Variants in PRR16 observed in about 807,000 individuals in gnomAD.
PRR16 encodes the protein protein Largen.
PRR16 carries 6 observed loss-of-function variants against 18.2 expected under a neutral mutation model. The observed-to-expected ratio is 0.33, with a 90% CI of 0.18 to 0.65. The LOEUF (loss-of-function observed/expected upper bound fraction) is 0.65. Ranked by LOEUF, PRR16 falls within the 30% of genes least tolerant of loss-of-function variation. The pLI is 0.74. For missense variants in PRR16, 412 were observed against 376.6 expected, an observed-to-expected ratio of 1.09 and a Z score of -0.78; for synonymous variants, 151 against 147.8, an observed-to-expected ratio of 1.02 and a Z score of -0.16.
intron 1 of PRR16, among the ~76,000 whole-genome samples, chr5:120,499,988 G>A (rs1750392919): frequency 6.6e-6 from 1 of 152,010 alleles, no homozygotes; most frequent in Admixed American, 6.6e-5. Flanking sequence ...ACTTTTTACT[G>A]TTTTTTGAGT....
chr5:120,625,988 T>C (rs373131251), intron 1 of PRR16, among the ~76,000 whole-genome samples: 1 of 152,056 alleles, frequency 6.6e-6, no homozygotes, highest in East Asian at 1.9e-4. Context: ...ACCCAAAGAA[T>C]CCCACTCCAG....
chr5:120,622,597 G>A (rs1054615396), intron 1 of PRR16, among the ~76,000 whole-genome samples: 1 of 151,920 alleles, frequency 6.6e-6, no homozygotes, highest in African/African-American at 2.4e-5. Flanking sequence ...TCCTGCCTTA[G>A]CCTCCCGAAT....
chr5:120,732,732 C>A, the PRR16 span, among the ~76,000 whole-genome samples: 1 of 151,916 alleles, frequency 6.6e-6, no homozygotes, highest in East Asian at 1.9e-4. Context: ...AGGGAGTGGA[C>A]CAAGGAGGAG....
intron 1 of PRR16, among the ~76,000 whole-genome samples, chr5:120,585,591 C>A (rs1033731226): frequency 6.6e-6 from 1 of 151,296 alleles, no homozygotes; most frequent in Non-Finnish European, 1.5e-5. Context: ...TCACTCCAGC[C>A]TGGCAGACAG....
chr5:120,549,300 A>G (rs77187766), intron 1 of PRR16, among the ~76,000 whole-genome samples: 5,729 of 152,104 alleles, frequency 0.038, 118 homozygotes, highest in South Asian at 0.045. Flanking sequence ...GCATATCGCC[A>G]TGGTCTTAAA....
chr5:120,696,639 G>A, the PRR16 span, among the ~76,000 whole-genome samples: 1 of 152,190 alleles, frequency 6.6e-6, no homozygotes, highest in Non-Finnish European at 1.5e-5. Context: ...TGGTTCTCTA[G>A]AGAAGATGGA....
chr5:120,482,156 CA>C (rs1212082879), intron 1 of PRR16, among the ~76,000 whole-genome samples: 1 of 152,032 alleles, frequency 6.6e-6, no homozygotes, highest in African/African-American at 2.4e-5. Context: ...ATTTTACATT[CA>C]GGGGGTACAT....
chr5:120,643,300 T>A (rs982067728), intron 1 of PRR16, among the ~76,000 whole-genome samples: 2 of 152,104 alleles, frequency 1.3e-5, no homozygotes, highest in Non-Finnish European at 1.5e-5. Flanking sequence ...AGTTAAGTCG[T>A]TTGAAAATAG....
chr5:120,764,786 T>TATTAACATCAAGAA, the PRR16 span, among the ~76,000 whole-genome samples: 1 of 152,248 alleles, frequency 6.6e-6, no homozygotes, highest in East Asian at 1.9e-4. Flanking sequence ...TTTCATTTCG[T>TATTAACATCAAGAA]ATTAACATCA....
At chr5:120,618,339 C>T (rs932313920) in intron 1 of PRR16, 2 of 369,098 alleles carry the variant, frequency 5.4e-6, no homozygotes, top group Non-Finnish European at 7.5e-6. Flanking sequence ...TTGTTGAGTG[C>T]CATTAAATAA....
chr5:120,746,804 G>T, the PRR16 span, among the ~76,000 whole-genome samples: 1 of 152,182 alleles, frequency 6.6e-6, no homozygotes, highest in East Asian at 1.9e-4. Flanking sequence ...AGGAAGGGAG[G>T]CGAGGGAATA....
intron 1 of PRR16, among the ~76,000 whole-genome samples, chr5:120,669,960 G>C (rs934775645): frequency 1.3e-5 from 2 of 151,938 alleles, no homozygotes; most frequent in Admixed American, 1.3e-4. Flanking sequence ...AAAGGTTTTA[G>C]GGTATAATTA....
chr5:120,464,423 A>T lies in PRR16; in HGVS notation c.-64A>T. ...GGCAGCGGCCGTAGCAGCGCCAGGG[A>T]CGGGGGCACGCAGCAGCCTCCGCTC... On this transcript the variant is annotated 5_prime_UTR_variant, in exon 1 of 2. Transcript: ENST00000407149. 1 of 1,486,456 alleles carries T rather than the reference A, an allele frequency of 6.7e-7. No homozygotes were observed. Among genetic ancestry groups the T allele is most frequent in the Non-Finnish European group, 9.0e-7 (1 of 1,115,418 alleles). 92.1% of individuals were successfully genotyped at this position (1,486,456 alleles called of 1,614,324 possible).
At chr5:120,643,635 G>A (rs1288047541) in intron 1 of PRR16, among the ~76,000 whole-genome samples, 1 of 152,048 alleles carries the variant, frequency 6.6e-6, no homozygotes, top group Non-Finnish European at 1.5e-5. Context: ...TTCAGTGTAA[G>A]CAACAGGTCA....
chr5:120,501,404 A>G (rs1750447869), intron 1 of PRR16, among the ~76,000 whole-genome samples: 1 of 144,578 alleles, frequency 6.9e-6, no homozygotes, highest in Admixed American at 6.7e-5. Context: ...TGACTTGGAG[A>G]TATTAAACAC....
chr5:120,756,297 G>A, the PRR16 span, among the ~76,000 whole-genome samples: 13 of 152,214 alleles, frequency 8.5e-5, no homozygotes, highest in East Asian at 2.3e-3. Context: ...AGCATGGGAA[G>A]TTGGAATTTT....
intron 1 of PRR16, among the ~76,000 whole-genome samples, chr5:120,669,094 G>A (rs963561382): frequency 8.5e-5 from 13 of 152,168 alleles, no homozygotes; most frequent in Non-Finnish European, 1.8e-4. Context: ...GTGACTGCGT[G>A]TAATGACACT....
intron 1 of PRR16, among the ~76,000 whole-genome samples, chr5:120,678,270 A>G (rs1008914999): frequency 1.3e-5 from 2 of 152,090 alleles, no homozygotes; most frequent in East Asian, 1.9e-4. Context: ...AGTCTCACCA[A>G]TTCTATATTT....
chr5:120,718,639 A>G, the PRR16 span, among the ~76,000 whole-genome samples: 13 of 152,100 alleles, frequency 8.5e-5, no homozygotes, highest in African/African-American at 2.7e-4. Flanking sequence ...GAAGGGAACT[A>G]CAATACGTAG....
Sources: allele counts gnomAD v4.1 joint callset (sites outside exome capture counted in the v4.1 genomes callset), GRCh38; gene constraint gnomAD v4.1.1; transcripts MANE v1.5; gene names NCBI Gene and HGNC (gene_info 2026-07-23, HGNC 2026-07-21).